DOCK3: variants seen among roughly 807,000 people sequenced by gnomAD.
The protein encoded by DOCK3 is dedicator of cytokinesis 3.
Under a neutral mutation model 265.6 loss-of-function variants are expected in DOCK3, and 60 were observed. The ratio of observed to expected loss-of-function variants is 0.23; its 90% CI spans 0.18 to 0.28. The LOEUF (loss-of-function observed/expected upper bound fraction) is 0.28. Ranked by LOEUF, DOCK3 falls within the 10% of genes least tolerant of loss-of-function variation. DOCK3 has a pLI of 1.00. For missense variants in DOCK3, 1,981 were observed against 2,594.3 expected (o/e 0.76, Z 5.14); for synonymous variants, 881 against 938.0 (o/e 0.94, Z 1.11).
intron 22 of DOCK3, among the ~76,000 whole-genome samples, chr3:51,258,170 A>G (rs1035674165): frequency 2.6e-5 from 4 of 152,340 alleles, no homozygotes; most frequent in South Asian, 2.1e-4. Context: ...CATGCCACTC[A>G]TTACATCTCT....
chr3:51,015,569 A>G (rs1384649211), intron 5 of DOCK3, among the ~76,000 whole-genome samples: 3 of 149,830 alleles, frequency 2.0e-5, no homozygotes, highest in African/African-American at 4.9e-5. Flanking sequence ...TATTTATCAG[A>G]TATATTGGTC....
chr3:50,971,269 A>AT (rs1178049052), intron 5 of DOCK3, among the ~76,000 whole-genome samples: 3 of 151,324 alleles, frequency 2.0e-5, no homozygotes, highest in Admixed American at 2.0e-4. Flanking sequence ...TATTTTCAGA[A>AT]TTGTTTCTCT....
chr3:50,712,187 C>T (rs1292677849), intron 1 of DOCK3, among the ~76,000 whole-genome samples: 1 of 151,868 alleles, frequency 6.6e-6, no homozygotes, highest in East Asian at 1.9e-4. Flanking sequence ...TCATTTTTTC[C>T]TCTGCTTGCC....
In DOCK3 at chr3:50,795,703, C is replaced by G. The variant is rs72942548; in HGVS notation, c.121+16945C>G. On this transcript the variant is annotated intron_variant, in intron 2 of 52. Transcript: ENST00000266037. Reference sequence around the variant, plus strand: ...TTTTGTTCCTTTTCATTCTTTTTCTCTGTTATTTTCTGACTGTTTTATTTC... The same window carrying G: ...TTTTGTTCCTTTTCATTCTTTTTCTGTGTTATTTTCTGACTGTTTTATTTC... Among the ~76,000 whole-genome samples the G allele has an allele frequency of 6.2e-3, 949 of 152,228 alleles. 9 individuals are homozygous for G. Among genetic ancestry groups the G allele is most frequent in the African/African-American group, 0.021 (892 of 41,528 alleles).
At chr3:51,364,055 T>C (rs1050766631) in intron 49 of DOCK3, among the ~76,000 whole-genome samples, 5 of 152,234 alleles carry the variant, frequency 3.3e-5, no homozygotes, top group African/African-American at 1.2e-4. Context: ...CCTTGAGGAA[T>C]CTCCACACTG....
intron 1 of DOCK3, among the ~76,000 whole-genome samples, chr3:50,739,631 A>T (rs2038885001): frequency 6.6e-6 from 1 of 152,092 alleles, no homozygotes. Context: ...TCATATAATA[A>T]ATATTTGTTG....
chr3:51,365,328 A>G (rs2087062499), intron 49 of DOCK3, among the ~76,000 whole-genome samples: 1 of 152,184 alleles, frequency 6.6e-6, no homozygotes. Flanking sequence ...ATTTTTGCAC[A>G]TTGATTTTGT....
chr3:51,012,106 A>G (rs2078976635), intron 5 of DOCK3, among the ~76,000 whole-genome samples: 1 of 152,188 alleles, frequency 6.6e-6, no homozygotes, highest in Non-Finnish European at 1.5e-5. Flanking sequence ...GTCAGTTCTC[A>G]GATCTCAAAC....
chr3:51,322,701 C>A (rs1312087686), intron 32 of DOCK3, among the ~76,000 whole-genome samples: 1 of 152,036 alleles, frequency 6.6e-6, no homozygotes, highest in Non-Finnish European at 1.5e-5. Context: ...CAAAAATATA[C>A]CAAATTGTAA....
intron 1 of DOCK3, among the ~76,000 whole-genome samples, chr3:50,721,538 A>G (rs542809014): frequency 2.8e-4 from 42 of 152,028 alleles, no homozygotes; most frequent in African/African-American, 4.1e-4. Flanking sequence ...ATTCTGTTCA[A>G]TTTGCCCATG....
At chr3:50,960,443 G>A (rs1233636328) in intron 5 of DOCK3, among the ~76,000 whole-genome samples, 4 of 151,592 alleles carry the variant, frequency 2.6e-5, no homozygotes, top group Non-Finnish European at 5.9e-5. Context: ...TTTTTCTAAT[G>A]GCTGATGATT....
chr3:51,060,059 C>A (rs1465282148), intron 5 of DOCK3, among the ~76,000 whole-genome samples: 2 of 152,116 alleles, frequency 1.3e-5, no homozygotes, highest in African/African-American at 4.8e-5. Flanking sequence ...TGCTCTTTCT[C>A]CACTTCTTCC....
At chr3:51,071,562 A>T (rs985834466) in intron 6 of DOCK3, among the ~76,000 whole-genome samples, 2 of 152,218 alleles carry the variant, frequency 1.3e-5, no homozygotes, top group Non-Finnish European at 2.9e-5. Flanking sequence ...TAATTAAAAT[A>T]ACAGTAGCAA....
intron 9 of DOCK3, among the ~76,000 whole-genome samples, chr3:51,128,324 CT>C (rs1176730586): frequency 1.3e-5 from 2 of 152,140 alleles, no homozygotes; most frequent in African/African-American, 4.8e-5. Flanking sequence ...CATACATGGC[CT>C]TCTAGAGAAC....
intron 12 of DOCK3, among the ~76,000 whole-genome samples, chr3:51,188,452 T>A (rs1416466379): frequency 6.6e-6 from 1 of 152,162 alleles, no homozygotes; most frequent in African/African-American, 2.4e-5. Context: ...AGTCAGGGTA[T>A]TTAGGGTGTC....
intron 32 of DOCK3, among the ~76,000 whole-genome samples, chr3:51,321,926 C>G (rs2083756568): frequency 6.6e-6 from 1 of 152,188 alleles, no homozygotes; most frequent in South Asian, 2.1e-4. Context: ...TCCAGCAGAA[C>G]TTCCCCAACC....
At chr3:50,957,242 T>C (rs966176328) in intron 5 of DOCK3, among the ~76,000 whole-genome samples, 1 of 152,204 alleles carries the variant, frequency 6.6e-6, no homozygotes, top group African/African-American at 2.4e-5. Context: ...GTTGTCTAAA[T>C]ACAGAAACAA....
chr3:50,692,672 T>C (rs754549670), intron 1 of DOCK3, among the ~76,000 whole-genome samples: 40 of 152,256 alleles, frequency 2.6e-4, no homozygotes, highest in Non-Finnish European at 4.7e-4. Context: ...TCTCTTATTC[T>C]GTAGCTGTTT....
chr3:51,287,795 G>A (rs2081492954), intron 27 of DOCK3, among the ~76,000 whole-genome samples: 1 of 151,944 alleles, frequency 6.6e-6, no homozygotes, highest in Admixed American at 6.6e-5. Flanking sequence ...TATAACCAAA[G>A]GAAAATAAAT....
Sources: gnomAD v4.1 joint callset for allele counts (sites outside exome capture counted in the v4.1 genomes callset) on GRCh38, gnomAD v4.1.1 for gene constraint, MANE v1.5 for transcripts, NCBI Gene and HGNC (gene_info 2026-07-23, HGNC 2026-07-21) for gene names.